Variants in ITPKB observed in about 807,000 individuals in gnomAD.
ITPKB encodes the protein IP3 3-kinase B.
In ITPKB, 13 loss-of-function variants were observed where a neutral mutation model predicts 69.4. That is an observed-to-expected ratio of 0.19 (90% CI 0.12 to 0.30). ITPKB has a LOEUF of 0.30. Ranked by LOEUF, ITPKB falls within the 10% of genes least tolerant of loss-of-function variation. The pLI, the probability that ITPKB is intolerant of heterozygous loss-of-function variation, is 1.00. For synonymous variants in ITPKB, 584 were observed against 513.7 expected, an observed-to-expected ratio of 1.14 and a Z score of -1.85; for missense variants, 1,240 against 1,250.5, an observed-to-expected ratio of 0.99 and a Z score of 0.13.
rs1272329384 is a variant in ITPKB, at chr1:226,700,973, A to G, written c.1932+34554T>C. Among the ~76,000 whole-genome samples the G allele has an allele frequency of 9.2e-5, 14 of 152,350 alleles. 1 individual carries two copies. The East Asian group carries it at 2.7e-3, about 29-fold the overall frequency. On this transcript the variant is annotated intron_variant, in intron 2 of 7. Transcript: ENST00000429204. The stretch of plus-strand genomic sequence containing the variant: ...GATGTTAGATTACGTAGAGCACTAC[A>G]TGGAGCACACGGTGCCTTCAATGAG...
chr1:226,653,241 C>T (rs963592701), intron 2 of ITPKB, among the ~76,000 whole-genome samples: 1 of 152,202 alleles, frequency 6.6e-6, no homozygotes, highest in Non-Finnish European at 1.5e-5. Context: ...GTACCATGCA[C>T]ATGGGGAGCC....
At chr1:226,680,248 C>T (rs1264980671) in intron 2 of ITPKB, among the ~76,000 whole-genome samples, 2 of 148,818 alleles carry the variant, frequency 1.3e-5, no homozygotes, top group Admixed American at 1.3e-4. Context: ...ACTGCTGGGG[C>T]GGGGATGGGG....
chr1:226,707,053 C>A (rs1193285026), intron 2 of ITPKB: 1 of 384,418 alleles, frequency 2.6e-6, no homozygotes, highest in Non-Finnish European at 3.6e-6. Flanking sequence ...TTATGAAAAA[C>A]CATCACCCTC....
intron 2 of ITPKB, among the ~76,000 whole-genome samples, chr1:226,717,348 T>G (rs1657120208): frequency 6.6e-6 from 1 of 152,212 alleles, no homozygotes; most frequent in Admixed American, 6.5e-5. Context: ...CTAAATTACA[T>G]ACCCCATGTT....
rs372438913 is a variant in ITPKB, at chr1:226,647,329, G to A, written c.2084C>T (p.Ser695Leu). 3 of 1,614,034 alleles carry A rather than the reference G, an allele frequency of 1.9e-6. No individual in the cohort carries two copies. The highest frequency in any genetic ancestry group is 1.3e-5 in the African/African-American group (1 of 74,940). ...NGRILKKHCE[S>L]EQRCLDRLMV... ...CAGCCGGTCCAGGCAGCGCTGCTCT[G>A]ACTCACAGTGCTTCTTCAGGATCCT... The change falls in exon 4 of 8, where the codon TCA becomes TTA. Residue 695 changes from serine to leucine, a missense_variant. By Grantham distance (145) the Ser-to-Leu change is moderately radical. This residue lies in a region of ITPKB where 248 missense variants were observed against 396.7 expected (regional missense o/e 0.63). Coordinates refer to ENST00000429204, the MANE Select transcript of ITPKB (RefSeq NM_002221.4).
At chr1:226,663,489 A>G (rs751968360) in intron 2 of ITPKB, among the ~76,000 whole-genome samples, 15 of 151,714 alleles carry the variant, frequency 9.9e-5, no homozygotes, top group Admixed American at 2.0e-4. Context: ...TTAGGCTACA[A>G]TGATTCAACA....
Position 226,647,191 on chromosome 1 carries a change from A to G in ITPKB, c.2222T>C (p.Val741Ala). The G allele has an allele frequency of 6.2e-7, 1 of 1,614,186 alleles. No individual in the cohort carries two copies. Among genetic ancestry groups the G allele is most frequent in the Non-Finnish European group, 8.5e-7 (1 of 1,180,024 alleles). Residue 741 changes from valine to alanine, a missense_variant, in exon 4 of 8, where the codon GTG becomes GCG. Physicochemically the swap from Val to Ala is moderately conservative, Grantham distance 64 (BLOSUM62 0). This residue lies in a region of ITPKB where 248 missense variants were observed against 396.7 expected (regional missense o/e 0.63). Coordinates refer to ENST00000429204, the MANE Select transcript of ITPKB (RefSeq NM_002221.4). ...CCTGATTCCCATCTTGCAGTCCATC[A>G]CACAGGGCGAGTCGAAGTCGGCCAG... ...DLLADFDSPCVMDCKMGIRTY... is the reference protein window; with the variant it reads ...DLLADFDSPCAMDCKMGIRTY...
At chr1:226,697,461 GA>G (rs1195081644) in intron 2 of ITPKB, among the ~76,000 whole-genome samples, 1 of 152,206 alleles carries the variant, frequency 6.6e-6, no homozygotes, top group African/African-American at 2.4e-5. Flanking sequence ...CATCAGCAAG[GA>G]AGGCCCTGGT....
Position 226,634,258 on chromosome 1 carries a change from T to G in ITPKB, c.*413A>C. 1 of 160,992 alleles carries G rather than the reference T, an allele frequency of 6.2e-6. No homozygotes were observed. The highest frequency in any genetic ancestry group is 1.4e-5 in the Non-Finnish European group (1 of 73,184). 10.0% of individuals were successfully genotyped at this position (160,992 alleles called of 1,614,324 possible). On this transcript the variant is annotated 3_prime_UTR_variant, in exon 8 of 8. Coordinates refer to ENST00000429204, the MANE Select transcript of ITPKB (RefSeq NM_002221.4). This position sits in a 1 kb window ranked among gnomAD's most constrained non-coding sequence, Gnocchi z 6.3. ...TCCGGTGGGGAGGCCCCGGCAGAAATAAGGCTGTGCTTGGCAGCACTCTAA... is the reference window on the plus strand; with the variant it reads ...TCCGGTGGGGAGGCCCCGGCAGAAAGAAGGCTGTGCTTGGCAGCACTCTAA...
In ITPKB at chr1:226,736,224, G is replaced by A; in HGVS notation, c.1235C>T (p.Ser412Phe). The change falls in exon 2 of 8, where the codon TCC (serine) becomes TTC (phenylalanine). Residue 412 changes from serine (S) to phenylalanine (F), a missense_variant. Ser to Phe is a radical substitution (Grantham distance 155). Transcript: ENST00000429204. ...SAESSDSLSW[S>F]RLPRALASVG... ...GGAGGCCAGGGCCCTGGGCAGCCTGGACCAGCTCAGGGAATCAGAGGACTC... is the reference window on the plus strand; with the variant it reads ...GGAGGCCAGGGCCCTGGGCAGCCTGAACCAGCTCAGGGAATCAGAGGACTC... 3 of 1,538,916 alleles carry A rather than the reference G, an allele frequency of 1.9e-6. No individual in the cohort carries two copies. The highest frequency in any genetic ancestry group is 2.6e-5 in the South Asian group (2 of 78,020).
intron 2 of ITPKB, among the ~76,000 whole-genome samples, chr1:226,691,388 G>C (rs756367668): frequency 6.6e-6 from 1 of 152,114 alleles, no homozygotes; most frequent in Non-Finnish European, 1.5e-5. Context: ...GGCAGGAGCC[G>C]TGCTGGGGTG....
intron 2 of ITPKB, among the ~76,000 whole-genome samples, chr1:226,665,544 A>C (rs535158908): frequency 1.4e-4 from 22 of 152,316 alleles, no homozygotes; most frequent in African/African-American, 5.3e-4. Flanking sequence ...ATGAAATAGA[A>C]CACCAAGACA....
At chr1:226,687,950 T>A (rs1646073931) in intron 2 of ITPKB, among the ~76,000 whole-genome samples, 1 of 152,192 alleles carries the variant, frequency 6.6e-6, no homozygotes, top group Non-Finnish European at 1.5e-5. Flanking sequence ...CAAGAGTCTT[T>A]GCCAGGACCA....
chr1:226,655,063 AGGAGGTGG>A (rs898527747), intron 2 of ITPKB, among the ~76,000 whole-genome samples: 2 of 138,556 alleles, frequency 1.4e-5, no homozygotes, highest in African/African-American at 5.4e-5. Flanking sequence ...AAGGAAGAAG[AGGAGGTGG>A]GGAGGAGGGG....
intron 2 of ITPKB, among the ~76,000 whole-genome samples, chr1:226,679,135 T>A (rs1352986016): frequency 6.6e-6 from 1 of 152,126 alleles, no homozygotes; most frequent in Non-Finnish European, 1.5e-5. Context: ...TTCCTGCAGG[T>A]GTTTTGTTCC....
intron 2 of ITPKB, among the ~76,000 whole-genome samples, chr1:226,731,495 T>C (rs1411170117): frequency 6.6e-6 from 1 of 152,230 alleles, no homozygotes; most frequent in African/African-American, 2.4e-5. Flanking sequence ...CTTGTCGCAT[T>C]TTCTGATACC....
chr1:226,717,993 C>T (rs914632498), intron 2 of ITPKB, among the ~76,000 whole-genome samples: 1 of 152,212 alleles, frequency 6.6e-6, no homozygotes, highest in Non-Finnish European at 1.5e-5. Context: ...ACATCGCCAG[C>T]CATTAGAGAA....
In ITPKB at chr1:226,666,315, G is replaced by C. The variant is rs188160396; in HGVS notation, c.1933-17544C>G. ...AGGTCTGCCAGCTCCCATCAAGCCAGAGGCGCTCAGAGGGAGAAGCTGTAA... is the reference window on the plus strand; with the variant it reads ...AGGTCTGCCAGCTCCCATCAAGCCACAGGCGCTCAGAGGGAGAAGCTGTAA... On this transcript the variant is annotated intron_variant, in intron 2 of 7. Coordinates refer to ENST00000429204, the MANE Select transcript of ITPKB (RefSeq NM_002221.4). Among the ~76,000 whole-genome samples, 255 of 152,342 alleles carry C rather than the reference G, an allele frequency of 1.7e-3. 2 individuals are homozygous for C. The highest frequency in any genetic ancestry group is 6.0e-3 in the African/African-American group (248 of 41,582).
chr1:226,659,160 C>T (rs1470461037), intron 2 of ITPKB, among the ~76,000 whole-genome samples: 2 of 152,202 alleles, frequency 1.3e-5, no homozygotes, highest in African/African-American at 4.8e-5. Flanking sequence ...CTGCCTTCTT[C>T]CTGTTGCAAC....
Sources: gnomAD v4.1 joint callset for allele counts (sites outside exome capture counted in the v4.1 genomes callset) on GRCh38, gnomAD v4.1.1 for gene constraint, gnomAD v4.1.1 regional missense constraint, Gnocchi (gnomAD v3.1) non-coding constraint, MANE v1.5 for transcripts, NCBI Gene and HGNC (gene_info 2026-07-23, HGNC 2026-07-21) for gene names.